Variants in ATXN2L observed in about 807,000 individuals in gnomAD.
ATXN2L encodes ataxin 2 like, also known as ataxin-2-like protein.
Under a neutral mutation model 120.7 loss-of-function variants are expected in ATXN2L, and 24 were observed. The observed-to-expected ratio is 0.20, with a 90% CI of 0.14 to 0.28. ATXN2L has a LOEUF of 0.28. Among genes scored for constraint, ATXN2L ranks in the 10% least tolerant of loss-of-function variants. ATXN2L has a pLI of 1.00. For missense variants in ATXN2L, 1,312 were observed against 1,432.3 expected (o/e 0.92, Z 1.36); for synonymous variants, 653 against 568.1 (o/e 1.15, Z -2.13).
chr16:28,825,549 C>T (rs1273862270), intron 2 of ATXN2L, 75 bp from the exon 3 acceptor site: 16 of 1,540,128 alleles, frequency 1.0e-5, no homozygotes, highest in African/African-American at 1.4e-5. Context: ...GAGTAGAGTG[C>T]GGCGGGCATT....
chr16:28,824,328 C>G (rs2151892587), intron 1 of ATXN2L: 17 of 1,198,982 alleles, frequency 1.4e-5, no homozygotes, highest in South Asian at 3.0e-5. Flanking sequence ...TGGCAGCACA[C>G]GCAGGCGCAG....
In ATXN2L at chr16:28,830,781, A is replaced by T; in HGVS notation, c.1201A>T (p.Ile401Phe). Residue 401 changes from isoleucine (I) to phenylalanine (F), a missense_variant, in exon 9 of 22, where the codon ATC becomes TTC. Physicochemically the swap from Ile to Phe is conservative, Grantham distance 21. Transcript: ENST00000336783. Reference sequence around the variant, plus strand: ...TGGCCCAGGTTCTGAGGCCCGTGGTATCAATGGAGGTGAGTTATGAGGTGA... The same window carrying T: ...TGGCCCAGGTTCTGAGGCCCGTGGTTTCAATGGAGGTGAGTTATGAGGTGA... ...SPGPGSEARG[I>F]NGGPSRMSPK... is the part of the protein sequence containing the mutation. 1 of 1,602,120 alleles carries T rather than the reference A, an allele frequency of 6.2e-7. No individual in the cohort carries two copies. The highest frequency in any genetic ancestry group is 8.5e-7 in the Non-Finnish European group (1 of 1,175,184).
At chr16:28,833,415 G>A in intron 14 of ATXN2L, 24 bp from the exon 15 acceptor site, 1 of 1,614,174 alleles carries the variant, frequency 6.2e-7, no homozygotes, top group Non-Finnish European at 8.5e-7. Flanking sequence ...AAGCCGTGAA[G>A]ATTTACTGTA....
chr16:28,824,282 C>T, intron 1 of ATXN2L: 1 of 1,163,278 alleles, frequency 8.6e-7, no homozygotes, highest in Non-Finnish European at 1.1e-6. Context: ...CTCAGTTTTT[C>T]CTGTGCGAGT....
Position 28,829,993 on chromosome 16 carries a change from A to G in ATXN2L, c.969A>G (p.Glu323=). 6.2e-7 allele frequency: 1 copy of G among 1,614,210 alleles called. No individual in the cohort carries two copies. ...TGGAGAACGACGATGGGCGCACTGAAGAGGAGAAGCACAGTGCAGTCCAGC... is the reference window on the plus strand; with the variant it reads ...TGGAGAACGACGATGGGCGCACTGAGGAGGAGAAGCACAGTGCAGTCCAGC... ...IAMENDDGRT[E]EEKHSAVQRQ... is the part of the protein sequence containing the mutation. The change falls in exon 8 of 22, where the codon GAA becomes GAG. Residue 323 remains glutamate, a synonymous_variant. Transcript: ENST00000336783.
chr16:28,831,705 G>A (rs1434486257), intron 10 of ATXN2L, among the ~76,000 whole-genome samples: 1 of 151,946 alleles, frequency 6.6e-6, no homozygotes, highest in Non-Finnish European at 1.5e-5. Context: ...TGGGCAACAC[G>A]GCAAAACCCT....
At position 28,835,143 on chromosome 16, in the gene ATXN2L, C is replaced by T; in HGVS notation, c.2519C>T (p.Pro840Leu). Residue 840 changes from proline to leucine, a missense_variant, in exon 19 of 22, where the codon CCT becomes CTT. Physicochemically the swap from Pro to Leu is moderately conservative, Grantham distance 98. Transcript: ENST00000336783. ...HPQAIVSSST[P>L]QYPSAEQPTP... is the part of the protein sequence containing the mutation. ...CAGGCCATCGTGTCATCCTCTACCC[C>T]TCAGTACCCTTCTGCAGAGCAGCCT... is the stretch of plus-strand genomic sequence containing the variant. 2 of 1,613,940 alleles carry T rather than the reference C, an allele frequency of 1.2e-6. No individual in the cohort carries two copies. The highest frequency in any genetic ancestry group is 1.7e-6 in the Non-Finnish European group (2 of 1,179,902).
chr16:28,827,106 CAA>C (rs2052373877), intron 6 of ATXN2L, 120 bp downstream of exon 6: 2 of 1,077,146 alleles, frequency 1.9e-6, no homozygotes, highest in Non-Finnish European at 2.5e-6. Flanking sequence ...AGTCAGATAA[CAA>C]ATAGAAAGGT....
At chr16:28,826,592 G>T in intron 5 of ATXN2L, 1 of 601,912 alleles carries the variant, frequency 1.7e-6, no homozygotes, top group Non-Finnish European at 2.8e-6. Context: ...AATATATAAT[G>T]CGATGAATTC....
chr16:28,824,467 CCCTCTTCGCCCTCAACCG>C, intron 1 of ATXN2L: 1 of 1,287,878 alleles, frequency 7.8e-7, no homozygotes, highest in South Asian at 1.2e-5. Context: ...GCCAGCGGCC[CCCTCTTCGCCCTCAACCG>C]CCGGTTACAT....
chr16:28,835,743 G>T lies in ATXN2L; in HGVS notation c.2880G>T (p.Met960Ile), dbSNP rs1211696552. 1 of 1,614,072 alleles carries T rather than the reference G, an allele frequency of 6.2e-7. No homozygotes were observed. Among genetic ancestry groups the T allele is most frequent in the Non-Finnish European group, 8.5e-7 (1 of 1,179,982 alleles). ...AGCTGCCCCACGGCTTCACCAACAT[G>T]GCCCATGTTACCCAGGTAAGAGCCC... ...HQQLPHGFTNMAHVTQAHVQT... is the reference protein window; with the variant it reads ...HQQLPHGFTNIAHVTQAHVQT... The change falls in exon 21 of 22, where the codon ATG becomes ATT. Residue 960 changes from methionine to isoleucine, a missense_variant. By Grantham distance (10) the Met-to-Ile change is conservative. Transcript: ENST00000336783.
chr16:28,824,141 C>A (rs1184027140), intron 1 of ATXN2L: 1 of 1,023,608 alleles, frequency 9.8e-7, no homozygotes, highest in Non-Finnish European at 1.2e-6. Context: ...CGCGCGCGCC[C>A]CCTTCCCGTA....
In ATXN2L at chr16:28,825,362, A is replaced by G. The variant is rs369403962; in HGVS notation, c.300-4A>G. The G allele has an allele frequency of 1.7e-5, 27 of 1,613,794 alleles. No homozygotes were observed. In the African/African-American group the frequency reaches 2.0e-4, roughly 12 times the overall value. ...CTTAAGTAATTTCTTGTTTTCTTTT[A>G]TAGGGGACAGAGCACAGGAAAGGGA... is the stretch of plus-strand genomic sequence containing the variant. On this transcript the variant is annotated splice_polypyrimidine_tract_variant and splice_region_variant and intron_variant, in intron 1 of 21. Coordinates refer to ENST00000336783, the MANE Select transcript of ATXN2L (RefSeq NM_007245.4).
rs1314015034 is a variant in ATXN2L, at chr16:28,837,168, GACTTTT to G, written c.*910_*915del. The G allele has an allele frequency of 1.8e-5, 4 of 220,200 alleles. No individual in the cohort carries two copies. Among genetic ancestry groups the G allele is most frequent in the African/African-American group, 9.5e-5 (4 of 42,328 alleles). 13.6% of individuals were successfully genotyped at this position (220,200 alleles called of 1,614,324 possible). ...TGCCCCACGAGGATGGCTGGACAAG[GACTTTT>G]ACTTTTTATTACATAAAAATATTAA... On this transcript the variant is annotated 3_prime_UTR_variant, in exon 22 of 22. Transcript: ENST00000336783.
Position 28,823,186 on chromosome 16 carries a change from T to G in ATXN2L, c.-74T>G. On this transcript the variant is annotated 5_prime_UTR_variant, in exon 1 of 22. Transcript: ENST00000336783. Reference sequence around the variant, plus strand: ...GCCCGATCCCCCTCGCTTCCCGCGCTCTCCAGCGGGGCCCCAGCCCCGGCC... The same window carrying G: ...GCCCGATCCCCCTCGCTTCCCGCGCGCTCCAGCGGGGCCCCAGCCCCGGCC... 4.9e-6 allele frequency: 5 copies of G among 1,010,512 alleles called. No homozygotes were observed. The highest frequency in any genetic ancestry group is 5.0e-6 in the Non-Finnish European group (4 of 796,030). The allele number at this position is 1,010,512 out of a possible 1,614,324, so 62.6% of individuals were successfully genotyped here. A position where few individuals can be genotyped will look rare whatever the true frequency, so the allele number is the denominator to read the frequency against.
rs1172024783 is a variant in ATXN2L at position 28,833,235 on chromosome 16, G to A, written c.1836G>A (p.Leu612=). Residue 612 remains leucine, a synonymous_variant, in exon 14 of 22, where the codon CTG becomes CTA. Transcript: ENST00000336783. ...CGGATAAGGAGGACAAACCACCCCTGGCACCATCAGGAGGCACTGAGGGGC... is the reference window on the plus strand; with the variant it reads ...CGGATAAGGAGGACAAACCACCCCTAGCACCATCAGGAGGCACTGAGGGGC... The part of the protein sequence containing the change: ...SVSDKEDKPP[L]APSGGTEGPE... The A allele has an allele frequency of 1.2e-6, 2 of 1,614,102 alleles. No individual in the cohort carries two copies. Among genetic ancestry groups the A allele is most frequent in the South Asian group, 1.1e-5 (1 of 91,086 alleles).
In ATXN2L at chr16:28,836,727, G is replaced by T; in HGVS notation, c.*462G>T. The T allele has an allele frequency of 6.2e-7, 1 of 1,613,896 alleles. No individual in the cohort carries two copies. The highest frequency in any genetic ancestry group is 8.5e-7 in the Non-Finnish European group (1 of 1,179,982). ...CTCTCTTCTCTTTCCCCTCCAACCA[G>T]TTCAATCTCATCCCTCCCAGCAGCT... is the stretch of plus-strand genomic sequence containing the variant. On this transcript the variant is annotated 3_prime_UTR_variant, in exon 22 of 22. Coordinates refer to ENST00000336783, the MANE Select transcript of ATXN2L (RefSeq NM_007245.4).
chr16:28,826,169 AATCCAGTTCTATTTTTGC>A, intron 4 of ATXN2L, 53 bp from the exon 5 acceptor site: 21 of 1,568,376 alleles, frequency 1.3e-5, no homozygotes, highest in Non-Finnish European at 1.8e-5. Context: ...ATTTAAGAGA[AATCCAGTTCTATTTTTGC>A]CTTCACTTTT....
chr16:28,831,176 AGATGTTTTG>A lies in ATXN2L; in HGVS notation c.1321+106_1321+114del, dbSNP rs1243867131. ...CTGGAATGGGAGATAATTTTAAGATAGATGTTTTGGGCATTTGGGATTTAGTCATATTGG... is the reference window on the plus strand; with the variant it reads ...CTGGAATGGGAGATAATTTTAAGATAGGCATTTGGGATTTAGTCATATTGG... On this transcript the variant is annotated intron_variant, in intron 10 of 21. Coordinates refer to ENST00000336783, the MANE Select transcript of ATXN2L (RefSeq NM_007245.4). The A allele has an allele frequency of 1.7e-5, 15 of 863,058 alleles. No homozygotes were observed. In the African/African-American group the frequency reaches 2.6e-4, roughly 15 times the overall value. The allele number at this position is 863,058 out of a possible 1,614,324, so 53.5% of individuals were successfully genotyped here. A position where few individuals can be genotyped will look rare whatever the true frequency, so the allele number is the denominator to read the frequency against.
Sources: allele counts gnomAD v4.1 joint callset (sites outside exome capture counted in the v4.1 genomes callset), GRCh38; gene constraint gnomAD v4.1.1; transcripts MANE v1.5; gene names NCBI Gene and HGNC (gene_info 2026-07-23, HGNC 2026-07-21).